Variants in DLGAP1 observed in about 807,000 individuals in gnomAD.
DLGAP1 encodes disks large-associated protein 1.
DLGAP1 carries 11 observed loss-of-function variants against 90.8 expected under a neutral mutation model. That is an observed-to-expected ratio of 0.12 (90% CI 0.08 to 0.20). DLGAP1 has a LOEUF of 0.20. DLGAP1 is among the 10% of genes least tolerant of loss of function. The probability of loss-of-function intolerance (pLI) is 1.00; values close to 1 mark genes in which losing one functional copy is unlikely to be tolerated. For missense variants in DLGAP1, 1,050 were observed against 1,333.8 expected, an observed-to-expected ratio of 0.79 and a Z score of 3.31; for synonymous variants, 558 against 540.7, an observed-to-expected ratio of 1.03 and a Z score of -0.44.
chr18:3,888,836 A>T (rs1217722069), intron 3 of DLGAP1, among the ~76,000 whole-genome samples: 1 of 152,208 alleles, frequency 6.6e-6, no homozygotes, highest in East Asian at 1.9e-4. Flanking sequence ...TTTTGGACTG[A>T]CAGAGTTCAA....
chr18:4,424,889 A>C (rs1392338293), intron 1 of DLGAP1, among the ~76,000 whole-genome samples: 1 of 152,120 alleles, frequency 6.6e-6, no homozygotes, highest in African/African-American at 2.4e-5. Flanking sequence ...CCCTAGCAGC[A>C]TCCATCTAAC....
At chr18:3,594,897 A>G (rs944298443) in intron 7 of DLGAP1, among the ~76,000 whole-genome samples, 1 of 152,164 alleles carries the variant, frequency 6.6e-6, no homozygotes, top group African/African-American at 2.4e-5. Context: ...CTCAGGCCAG[A>G]AGCACTGCTC....
rs190685451 is a variant in DLGAP1, at chr18:4,216,245, A to G, written c.-266-64958T>C. 8.6e-4 allele frequency among the ~76,000 whole-genome samples: 131 copies of G among 151,986 alleles called. 1 individual carries two copies. Among genetic ancestry groups the G allele is most frequent in the African/African-American group, 3.0e-3 (126 of 41,460 alleles). Reference sequence around the variant, plus strand: ...CATCAGATCTTGTGAGATCTCAGTCACTATCATGAGAACAGCATGAGTGTA... The same window carrying G: ...CATCAGATCTTGTGAGATCTCAGTCGCTATCATGAGAACAGCATGAGTGTA... On this transcript the variant is annotated intron_variant, in intron 1 of 12. Transcript: ENST00000315677.
In DLGAP1 at chr18:4,292,506, C is replaced by T. The variant is rs533724211; in HGVS notation, c.-266-141219G>A. 1.3e-4 allele frequency among the ~76,000 whole-genome samples: 20 copies of T among 152,100 alleles called. No individual in the cohort carries two copies. The East Asian group carries it at 3.9e-3, about 29-fold the overall frequency. ...TGTTGGATAATCTCTTACAACATCA[C>T]ATTTTAAAATTTATCTTTGCTCATA... On this transcript the variant is annotated intron_variant, in intron 1 of 12. Transcript: ENST00000315677.
At chr18:3,713,144 G>A (rs1424726872) in intron 7 of DLGAP1, among the ~76,000 whole-genome samples, 1 of 152,196 alleles carries the variant, frequency 6.6e-6, no homozygotes, top group African/African-American at 2.4e-5. Flanking sequence ...GCCTGGGTTC[G>A]TGTGGACTCA....
chr18:4,343,922 TA>T (rs1339771049), intron 1 of DLGAP1, among the ~76,000 whole-genome samples: 1 of 152,258 alleles, frequency 6.6e-6, no homozygotes, highest in Non-Finnish European at 1.5e-5. Flanking sequence ...TCCTTGGAGA[TA>T]ATTTAGTAAC....
chr18:4,004,210 C>T (rs1449149393), intron 3 of DLGAP1, among the ~76,000 whole-genome samples: 1 of 152,148 alleles, frequency 6.6e-6, no homozygotes, highest in Non-Finnish European at 1.5e-5. Flanking sequence ...ATGTATCTTC[C>T]ATTACTAATG....
At chr18:4,248,949 C>T (rs2078714880) in intron 1 of DLGAP1, among the ~76,000 whole-genome samples, 1 of 152,198 alleles carries the variant, frequency 6.6e-6, no homozygotes, top group Non-Finnish European at 1.5e-5. Context: ...TCCGGCCTCC[C>T]GCCCATGTAT....
chr18:3,529,184 G>A (rs1270480713), intron 10 of DLGAP1, among the ~76,000 whole-genome samples: 2 of 152,196 alleles, frequency 1.3e-5, no homozygotes, highest in African/African-American at 4.8e-5. Context: ...GGGCCTATAG[G>A]AGGTGAGTTG....
intron 1 of DLGAP1, among the ~76,000 whole-genome samples, chr18:4,316,635 A>AG (rs1352446471): frequency 6.6e-6 from 1 of 152,176 alleles, no homozygotes; most frequent in Non-Finnish European, 1.5e-5. Context: ...GCCTCTGTAC[A>AG]GTTTCCTGCC....
intron 7 of DLGAP1, among the ~76,000 whole-genome samples, chr18:3,681,779 C>T (rs752263012): frequency 2.6e-5 from 4 of 152,026 alleles, no homozygotes; most frequent in Non-Finnish European, 5.9e-5. Flanking sequence ...TAGCACTATC[C>T]CTTCTTGATA....
intron 5 of DLGAP1, among the ~76,000 whole-genome samples, chr18:3,793,546 G>A (rs1006414365): frequency 6.6e-6 from 1 of 152,062 alleles, no homozygotes; most frequent in Non-Finnish European, 1.5e-5. Flanking sequence ...CCCTTAAAGT[G>A]CTGGTCCTCC....
At chr18:4,215,202 T>C (rs1048115419) in intron 1 of DLGAP1, among the ~76,000 whole-genome samples, 2 of 152,200 alleles carry the variant, frequency 1.3e-5, no homozygotes, top group Admixed American at 6.5e-5. Context: ...GCCATCTGCA[T>C]AAATTATTTT....
At chr18:4,271,217 G>T (rs1235266517) in intron 1 of DLGAP1, among the ~76,000 whole-genome samples, 1 of 152,110 alleles carries the variant, frequency 6.6e-6, no homozygotes, top group Non-Finnish European at 1.5e-5. Flanking sequence ...GATTTAATTG[G>T]TCTGTGGTGA....
intron 5 of DLGAP1, among the ~76,000 whole-genome samples, chr18:3,780,220 A>G (rs187236361): frequency 6.6e-6 from 1 of 152,342 alleles, no homozygotes; most frequent in East Asian, 1.9e-4. Flanking sequence ...CAGTTTAGTT[A>G]TTTAAAGATA....
chr18:3,855,959 T>C (rs1387718330), intron 4 of DLGAP1, among the ~76,000 whole-genome samples: 1 of 152,064 alleles, frequency 6.6e-6, no homozygotes, highest in Non-Finnish European at 1.5e-5. Context: ...CAAAGAGAAG[T>C]GGATTTGGAT....
chr18:3,801,824 G>A (rs1344079758), intron 5 of DLGAP1, among the ~76,000 whole-genome samples: 1 of 152,126 alleles, frequency 6.6e-6, no homozygotes, highest in Non-Finnish European at 1.5e-5. Context: ...TTCACGAGAA[G>A]AATGACTGCT....
chr18:3,961,074 C>T (rs920307820), intron 3 of DLGAP1, among the ~76,000 whole-genome samples: 3 of 152,172 alleles, frequency 2.0e-5, no homozygotes, highest in Non-Finnish European at 2.9e-5. Context: ...CCCAGAACTA[C>T]GAGTCGCCCT....
chr18:4,058,966 C>T (rs2075262254), intron 2 of DLGAP1, among the ~76,000 whole-genome samples: 1 of 152,216 alleles, frequency 6.6e-6, no homozygotes, highest in Non-Finnish European at 1.5e-5. Context: ...TGGCCCAAGG[C>T]CAAAGGCTCA....
Sources: gnomAD v4.1 joint callset for allele counts (sites outside exome capture counted in the v4.1 genomes callset) on GRCh38, gnomAD v4.1.1 for gene constraint, MANE v1.5 for transcripts, NCBI Gene and HGNC (gene_info 2026-07-23, HGNC 2026-07-21) for gene names.